The following DYNC2I1 variants were observed in gnomAD, a reference collection of about 807,000 sequenced individuals.
DYNC2I1 encodes the protein cytoplasmic dynein 2 intermediate chain 1.
DYNC2I1 carries 89 observed loss-of-function variants against 133.4 expected under a neutral mutation model. That is an observed-to-expected ratio of 0.67 (90% CI 0.56 to 0.80). DYNC2I1 has a LOEUF of 0.80. Among genes scored for constraint, DYNC2I1 ranks in the 30% least tolerant of loss-of-function variants. DYNC2I1 has a pLI of 0.00. For synonymous variants in DYNC2I1, 504 were observed against 484.3 expected (o/e 1.04, Z -0.54); for missense variants, 1,291 against 1,314.5 (o/e 0.98, Z 0.28).
chr7:158,956,992 C>G (rs759923236), downstream of DYNC2I1, among the ~76,000 whole-genome samples: 5 of 149,428 alleles, frequency 3.3e-5, no homozygotes, highest in Admixed American at 2.0e-4. Flanking sequence ...TGGCGATGAC[C>G]AAGTTCTTTG....
At chr7:158,872,617 A>T (rs1169412994) in intron 3 of DYNC2I1, among the ~76,000 whole-genome samples, 2 of 151,864 alleles carry the variant, frequency 1.3e-5, no homozygotes, top group Non-Finnish European at 2.9e-5. Flanking sequence ...ACAGAGCGAG[A>T]CTCTGTCTCT....
intron 21 of DYNC2I1, among the ~76,000 whole-genome samples, chr7:158,931,839 G>A (rs1021759617): frequency 6.6e-6 from 1 of 152,224 alleles, no homozygotes; most frequent in Non-Finnish European, 1.5e-5. Context: ...CGAGAAGGAG[G>A]CGGATGAGTA....
chr7:158,894,912 G>A (rs1464627033), intron 8 of DYNC2I1, among the ~76,000 whole-genome samples: 1 of 152,144 alleles, frequency 6.6e-6, no homozygotes, highest in Non-Finnish European at 1.5e-5. Context: ...CATTTTCCTG[G>A]TGACATGTGA....
chr7:158,932,304 G>A (rs557277897), intron 21 of DYNC2I1, among the ~76,000 whole-genome samples: 1 of 152,276 alleles, frequency 6.6e-6, no homozygotes, highest in South Asian at 2.1e-4. Flanking sequence ...AGTGCAGTGG[G>A]GACATCTTGA....
In DYNC2I1 at chr7:158,878,615, G is replaced by A. The variant is rs147867742; in HGVS notation, c.574-1069G>A. 7.5e-3 allele frequency among the ~76,000 whole-genome samples: 991 copies of A among 132,044 alleles called. 9 individuals are homozygous for A. Among genetic ancestry groups the A allele is most frequent in the African/African-American group, 0.027 (919 of 34,016 alleles). The allele number at this position is 132,044 out of a possible 152,430, so 86.6% of individuals were successfully genotyped here. On this transcript the variant is annotated intron_variant, in intron 4 of 24. Transcript: ENST00000407559. ...GCCAGGAGGGCCGACTGTGAATGCCGGGTGCCATGTGGGGAGGCCAGGAGG... is the reference window on the plus strand; with the variant it reads ...GCCAGGAGGGCCGACTGTGAATGCCAGGTGCCATGTGGGGAGGCCAGGAGG...
chr7:158,944,608 A>T (rs1465819721), intron 24 of DYNC2I1, among the ~76,000 whole-genome samples: 1 of 152,038 alleles, frequency 6.6e-6, no homozygotes, highest in Non-Finnish European at 1.5e-5. Flanking sequence ...TCATTCCCAC[A>T]CTCTGCCGCC....
chr7:158,904,937 G>A (rs1178516250), intron 10 of DYNC2I1: 4 of 270,414 alleles, frequency 1.5e-5, no homozygotes, highest in Admixed American at 1.0e-4. Flanking sequence ...ACCGTAAGAC[G>A]GGAGGGCAAG....
At chr7:158,857,564 A>T (rs1171580604) in intron 1 of DYNC2I1, among the ~76,000 whole-genome samples, 1 of 117,118 alleles carries the variant, frequency 8.5e-6, no homozygotes, top group Admixed American at 1.0e-4. Context: ...TTTGAGATGG[A>T]GTCTCACTCT....
chr7:158,950,307 T>C (rs2730215), downstream of DYNC2I1, among the ~76,000 whole-genome samples: 98,959 of 148,614 alleles, frequency 0.67, 33,865 homozygotes, highest in Non-Finnish European at 0.71. Context: ...TCAAGTGATC[T>C]GCCCACCTTG....
chr7:158,900,861 A>G (rs1034834121), intron 8 of DYNC2I1, among the ~76,000 whole-genome samples: 4 of 151,712 alleles, frequency 2.6e-5, no homozygotes, highest in African/African-American at 7.3e-5. Context: ...GAGCCCATCA[A>G]AGTTGTTCTT....
At chr7:158,894,063 C>A (rs1845510590) in intron 8 of DYNC2I1, among the ~76,000 whole-genome samples, 5 of 151,744 alleles carry the variant, frequency 3.3e-5, no homozygotes, top group Admixed American at 3.3e-4. Flanking sequence ...ACATGTCACA[C>A]CACATATCAT....
chr7:158,943,422 G>A (rs1035962449), intron 24 of DYNC2I1, among the ~76,000 whole-genome samples: 8 of 152,168 alleles, frequency 5.3e-5, no homozygotes, highest in African/African-American at 9.7e-5. Flanking sequence ...AGGGGGTCCC[G>A]AAATGTGCTG....
At chr7:158,869,555 T>C (rs1842701038) in intron 1 of DYNC2I1, 2 of 511,616 alleles carry the variant, frequency 3.9e-6, no homozygotes, top group African/African-American at 3.8e-5. Context: ...ACCCACAGAA[T>C]ATTTGTCCTT....
chr7:158,911,502 G>C (rs751921094), intron 11 of DYNC2I1, 48 bp from the exon 12 acceptor site: 106 of 1,593,848 alleles, frequency 6.7e-5, no homozygotes, highest in Non-Finnish European at 8.9e-5. Context: ...ACTTCCCCAC[G>C]TATATTATTC....
At chr7:158,870,362 C>CT (rs11388411) in intron 2 of DYNC2I1, among the ~76,000 whole-genome samples, 3,687 of 151,412 alleles carry the variant, frequency 0.024, 151 homozygotes, top group African/African-American at 0.085. Context: ...TAATTTTACT[C>CT]TTTTTTTTAG....
At chr7:158,908,847 T>C (rs1847101112) in intron 11 of DYNC2I1, among the ~76,000 whole-genome samples, 1 of 152,186 alleles carries the variant, frequency 6.6e-6, no homozygotes, top group African/African-American at 2.4e-5. Flanking sequence ...ATGTGTTTGC[T>C]TGTTTTCTCT....
intron 8 of DYNC2I1, among the ~76,000 whole-genome samples, chr7:158,901,350 G>A (rs1049193642): frequency 2.0e-5 from 3 of 152,200 alleles, no homozygotes; most frequent in Admixed American, 6.5e-5. Flanking sequence ...GGGATTAAAG[G>A]TGTGAGCCAC....
At chr7:158,879,277 T>C (rs1345782241) in intron 4 of DYNC2I1, among the ~76,000 whole-genome samples, 1 of 152,034 alleles carries the variant, frequency 6.6e-6, no homozygotes, top group African/African-American at 2.4e-5. Context: ...TAAGTTTTCC[T>C]CCTTTTATTG....
At chr7:158,929,694 C>G (rs1850018691) in intron 20 of DYNC2I1, among the ~76,000 whole-genome samples, 1 of 152,256 alleles carries the variant, frequency 6.6e-6, no homozygotes, top group African/African-American at 2.4e-5. Context: ...TTTTAATTCA[C>G]CTGCCCCCAG....
Sources: gnomAD v4.1 joint callset for allele counts (sites outside exome capture counted in the v4.1 genomes callset) on GRCh38, gnomAD v4.1.1 for gene constraint, MANE v1.5 for transcripts, NCBI Gene and HGNC (gene_info 2026-07-23, HGNC 2026-07-21) for gene names.